The following FOXP1 variants were observed in gnomAD, a reference collection of about 807,000 sequenced individuals.
FOXP1 encodes the protein forkhead box protein P1.
FOXP1 carries 15 observed loss-of-function variants against 98.2 expected under a neutral mutation model. The observed-to-expected ratio is 0.15, with a 90% CI of 0.10 to 0.24. The LOEUF (loss-of-function observed/expected upper bound fraction) is 0.24. Ranked by LOEUF, FOXP1 falls within the 10% of genes least tolerant of loss-of-function variation. The pLI is 1.00. For synonymous variants in FOXP1, 371 were observed against 314.5 expected (o/e 1.18, Z -1.90); for missense variants, 633 against 848.5 (o/e 0.75, Z 3.15).
intron 4 of FOXP1, among the ~76,000 whole-genome samples, chr3:71,321,482 T>C (rs2075388730): frequency 1.3e-5 from 2 of 152,216 alleles, no homozygotes; most frequent in African/African-American, 4.8e-5. Flanking sequence ...ACATGGGCTA[T>C]ATATAACACA....
chr3:71,369,389 C>CA (rs1375138726), intron 3 of FOXP1, among the ~76,000 whole-genome samples: 10 of 151,532 alleles, frequency 6.6e-5, no homozygotes, highest in East Asian at 3.9e-4. Flanking sequence ...GACTCCGTCT[C>CA]AAAAAAACAA....
chr3:71,021,338 G>A (rs1024344413), intron 11 of FOXP1, among the ~76,000 whole-genome samples: 5 of 152,014 alleles, frequency 3.3e-5, no homozygotes, highest in African/African-American at 7.3e-5. Context: ...CATAATCCTC[G>A]GAGTTTCATT....
At chr3:71,428,183 C>G (rs1330387891) in intron 3 of FOXP1, among the ~76,000 whole-genome samples, 2 of 152,244 alleles carry the variant, frequency 1.3e-5, no homozygotes, top group East Asian at 3.9e-4. Flanking sequence ...CCCTCATACC[C>G]TCAGAACAAG....
At chr3:71,120,933 C>T (rs767145349) in intron 6 of FOXP1, among the ~76,000 whole-genome samples, 48 of 152,062 alleles carry the variant, frequency 3.2e-4, no homozygotes, top group Non-Finnish European at 3.7e-4. Flanking sequence ...TAACAAATAC[C>T]GCAAAGGTAG....
chr3:71,342,432 G>A lies in FOXP1; in HGVS notation c.-73+16718C>T, dbSNP rs2077061970. Among the ~76,000 whole-genome samples the A allele has an allele frequency of 3.3e-5, 5 of 152,138 alleles. No individual in the cohort carries two copies. The South Asian group carries it at 1.0e-3, about 31-fold the overall frequency. On this transcript the variant is annotated intron_variant, in intron 4 of 20. Transcript: ENST00000649528. ...CACCTGTAATCCCAGCACTTTGAGA[G>A]ATCGAGGCAGGTGGATCACCTGAGG...
intron 6 of FOXP1, among the ~76,000 whole-genome samples, chr3:71,143,028 C>T (rs1253963275): frequency 6.6e-6 from 1 of 151,996 alleles, no homozygotes. Context: ...ACATGGTGAC[C>T]CAGGGGAGCA....
chr3:71,380,095 T>C (rs1457453668), intron 3 of FOXP1, among the ~76,000 whole-genome samples: 7 of 152,070 alleles, frequency 4.6e-5, no homozygotes, highest in Admixed American at 3.9e-4. Flanking sequence ...GTCTAAAGAA[T>C]AATAAACCAA....
At chr3:71,556,829 G>A (rs1182865869) in intron 2 of FOXP1, among the ~76,000 whole-genome samples, 2 of 151,996 alleles carry the variant, frequency 1.3e-5, no homozygotes, top group Admixed American at 6.6e-5. Context: ...GCTAATAAAT[G>A]TATGTACTAC....
At chr3:70,998,144 G>A (rs1279989890) in intron 13 of FOXP1, among the ~76,000 whole-genome samples, 1 of 152,122 alleles carries the variant, frequency 6.6e-6, no homozygotes, top group Non-Finnish European at 1.5e-5. Context: ...CTTGACCAGG[G>A]GTGCCTGGCA....
chr3:71,260,263 G>C (rs1200458921), intron 5 of FOXP1, among the ~76,000 whole-genome samples: 2 of 151,726 alleles, frequency 1.3e-5, no homozygotes, highest in South Asian at 4.2e-4. Flanking sequence ...GATTACAGGC[G>C]TGAGCCACCG....
At chr3:71,434,945 C>T (rs1324384093) in intron 3 of FOXP1, among the ~76,000 whole-genome samples, 1 of 151,930 alleles carries the variant, frequency 6.6e-6, no homozygotes, top group African/African-American at 2.4e-5. Flanking sequence ...CCCCCGTCAC[C>T]TCCGTCTCTC....
intron 6 of FOXP1, among the ~76,000 whole-genome samples, chr3:71,135,461 C>T (rs2059780206): frequency 6.6e-6 from 1 of 151,896 alleles, no homozygotes; most frequent in African/African-American, 2.4e-5. Context: ...AAATAGTTCC[C>T]CTTTGAAAGT....
intron 12 of FOXP1, among the ~76,000 whole-genome samples, chr3:71,006,503 G>GT (rs1404831913): frequency 6.6e-6 from 1 of 152,046 alleles, no homozygotes; most frequent in Non-Finnish European, 1.5e-5. Context: ...TTTCTAAAAG[G>GT]TTTTTAACTA....
chr3:71,512,216 T>G (rs1011027815), intron 2 of FOXP1, among the ~76,000 whole-genome samples: 1 of 152,108 alleles, frequency 6.6e-6, no homozygotes, highest in Non-Finnish European at 1.5e-5. Flanking sequence ...CTCCCAGTGG[T>G]GCCTTAGAGA....
chr3:71,170,434 G>A (rs2061595167), intron 6 of FOXP1, among the ~76,000 whole-genome samples: 1 of 152,136 alleles, frequency 6.6e-6, no homozygotes, highest in Non-Finnish European at 1.5e-5. Context: ...ATTCCTGCAG[G>A]CTGTGCTGGC....
intron 11 of FOXP1, among the ~76,000 whole-genome samples, chr3:71,038,133 G>A (rs1487997756): frequency 6.6e-6 from 1 of 152,158 alleles, no homozygotes; most frequent in Non-Finnish European, 1.5e-5. Flanking sequence ...CAAGAGTGGG[G>A]GAGAAGGAGT....
intron 5 of FOXP1, among the ~76,000 whole-genome samples, chr3:71,216,875 T>G (rs1050747164): frequency 3.3e-5 from 5 of 152,116 alleles, no homozygotes; most frequent in Non-Finnish European, 5.9e-5. Context: ...AGGACCATTT[T>G]GGTTGTCACA....
At chr3:71,411,890 T>C (rs1403254530) in intron 3 of FOXP1, among the ~76,000 whole-genome samples, 1 of 152,162 alleles carries the variant, frequency 6.6e-6, no homozygotes, top group African/African-American at 2.4e-5. Flanking sequence ...GGGCATCCCA[T>C]TACCCATCCA....
chr3:71,116,515 G>T (rs757055285), intron 6 of FOXP1, among the ~76,000 whole-genome samples: 3 of 152,148 alleles, frequency 2.0e-5, no homozygotes, highest in Non-Finnish European at 4.4e-5. Context: ...GACAACACTA[G>T]TGCAGAGAAT....
Sources: allele counts gnomAD v4.1 joint callset (sites outside exome capture counted in the v4.1 genomes callset), GRCh38; gene constraint gnomAD v4.1.1; transcripts MANE v1.5; gene names NCBI Gene and HGNC (gene_info 2026-07-23, HGNC 2026-07-21).